THSD7B: variants seen among roughly 807,000 people sequenced by gnomAD.
The protein encoded by THSD7B is thrombospondin type-1 domain-containing protein 7B.
THSD7B carries 138 observed loss-of-function variants against 213.6 expected under a neutral mutation model. The ratio of observed to expected loss-of-function variants is 0.65; its 90% CI spans 0.56 to 0.74. The LOEUF (loss-of-function observed/expected upper bound fraction) is 0.74, where lower values mean the gene tolerates loss of function less well. THSD7B is among the 30% of genes least tolerant of loss of function. The pLI, the probability that THSD7B is intolerant of heterozygous loss-of-function variation, is 0.00. For missense variants in THSD7B, 1,931 were observed against 1,991.5 expected (o/e 0.97, Z 0.58); for synonymous variants, 742 against 687.0 (o/e 1.08, Z -1.25).
chr2:137,014,613 G>C (rs1003570614), intron 2 of THSD7B, among the ~76,000 whole-genome samples: 3 of 152,204 alleles, frequency 2.0e-5, no homozygotes, highest in Non-Finnish European at 4.4e-5. Flanking sequence ...ACATGTCTTA[G>C]TCAGGAGCCC....
chr2:137,022,691 CT>C (rs1191648620), intron 2 of THSD7B, among the ~76,000 whole-genome samples: 1 of 151,870 alleles, frequency 6.6e-6, no homozygotes. Flanking sequence ...GTAGATCACA[CT>C]TTCTGTTGGA....
At chr2:137,260,878 A>G (rs562524074) in intron 10 of THSD7B, among the ~76,000 whole-genome samples, 1 of 152,312 alleles carries the variant, frequency 6.6e-6, no homozygotes, top group Admixed American at 6.5e-5. Flanking sequence ...ATGTGTTTTA[A>G]ATGGCTATAT....
At chr2:137,124,020 G>A (rs1688589850) in intron 5 of THSD7B, among the ~76,000 whole-genome samples, 1 of 152,148 alleles carries the variant, frequency 6.6e-6, no homozygotes, top group Non-Finnish European at 1.5e-5. Flanking sequence ...TCAGTTTTAG[G>A]CATTACTTTT....
intron 6 of THSD7B, among the ~76,000 whole-genome samples, chr2:137,168,848 A>G (rs1680183746): frequency 6.6e-6 from 1 of 152,164 alleles, no homozygotes; most frequent in Non-Finnish European, 1.5e-5. Context: ...TGTGGCAGTG[A>G]GAGCTCGTAG....
intron 14 of THSD7B, among the ~76,000 whole-genome samples, chr2:137,437,892 C>A (rs552856150): frequency 6.6e-6 from 1 of 152,190 alleles, no homozygotes; most frequent in East Asian, 1.9e-4. Flanking sequence ...AGCACTCTAC[C>A]CTTTTCTGCA....
chr2:137,180,772 G>A (rs998744832), intron 7 of THSD7B, among the ~76,000 whole-genome samples: 1 of 152,190 alleles, frequency 6.6e-6, no homozygotes, highest in Non-Finnish European at 1.5e-5. Flanking sequence ...GTAAATGCAT[G>A]TCACATGTAC....
rs1686500340 is a variant in THSD7B at position 137,405,687 on chromosome 2, C to T, written c.2575C>T (p.Leu859Phe). ...ECLKQTNGMP[L>F]LVQECTVPCR... ...CCTCAAGCAGACAAACGGCATGCCTCTCCTTGTGCAAGAATGCACAGTCCC... is the reference window on the plus strand; with the variant it reads ...CCTCAAGCAGACAAACGGCATGCCTTTCCTTGTGCAAGAATGCACAGTCCC... Residue 859 changes from leucine to phenylalanine, a missense_variant, in exon 13 of 28, where the codon CTC becomes TTC. By Grantham distance (22) the Leu-to-Phe change is conservative. Transcript: ENST00000409968. 1.2e-6 allele frequency: 2 copies of T among 1,613,716 alleles called. No individual in the cohort carries two copies. Among genetic ancestry groups the T allele is most frequent in the Non-Finnish European group, 8.5e-7 (1 of 1,179,806 alleles).
At chr2:137,368,309 A>G (rs6733546) in intron 12 of THSD7B, among the ~76,000 whole-genome samples, 5,697 of 152,120 alleles carry the variant, frequency 0.037, 370 homozygotes, top group African/African-American at 0.13. Context: ...TCCTATCAAA[A>G]TGGTAATCTA....
At chr2:136,849,381 G>A (rs775676128) in intron 1 of THSD7B, among the ~76,000 whole-genome samples, 5 of 152,232 alleles carry the variant, frequency 3.3e-5, no homozygotes, top group African/African-American at 9.6e-5. Flanking sequence ...GTATTTGAAC[G>A]CTAGTCTTTT....
At chr2:136,976,975 G>T (rs1157194423) in intron 2 of THSD7B, among the ~76,000 whole-genome samples, 1 of 152,152 alleles carries the variant, frequency 6.6e-6, no homozygotes, top group Admixed American at 6.5e-5. Context: ...GATGATGCTG[G>T]TCTCATAAAA....
At chr2:137,331,392 T>C (rs1235460951) in intron 12 of THSD7B, among the ~76,000 whole-genome samples, 1 of 151,880 alleles carries the variant, frequency 6.6e-6, no homozygotes, top group African/African-American at 2.4e-5. Flanking sequence ...AGAGTGTTGA[T>C]TGGTGCACTC....
At chr2:136,915,239 T>A (rs78049739) in intron 2 of THSD7B, among the ~76,000 whole-genome samples, 2,512 of 152,294 alleles carry the variant, frequency 0.016, 34 homozygotes, top group Middle Eastern at 0.02. Flanking sequence ...TTAAGGGACT[T>A]ACAAAAAATC....
At chr2:137,630,954 C>G (rs965435970) in intron 20 of THSD7B, among the ~76,000 whole-genome samples, 1 of 152,156 alleles carries the variant, frequency 6.6e-6, no homozygotes, top group Non-Finnish European at 1.5e-5. Flanking sequence ...TTGGGCAAAA[C>G]CTGGTGTGCT....
At chr2:137,554,707 C>A (rs1263566987) in intron 15 of THSD7B, among the ~76,000 whole-genome samples, 1 of 152,118 alleles carries the variant, frequency 6.6e-6, no homozygotes, top group African/African-American at 2.4e-5. Context: ...GGGTGCAGTA[C>A]AGTGGATGCA....
intron 1 of THSD7B, among the ~76,000 whole-genome samples, chr2:136,776,417 T>C (rs1044889988): frequency 6.6e-6 from 1 of 151,108 alleles, no homozygotes; most frequent in South Asian, 2.1e-4. Context: ...GGCCTCCCAA[T>C]GCAGGCAGAA....
At chr2:136,910,604 C>G (rs1199315324) in intron 2 of THSD7B, among the ~76,000 whole-genome samples, 1 of 151,942 alleles carries the variant, frequency 6.6e-6, no homozygotes, top group Non-Finnish European at 1.5e-5. Context: ...TGTCTTTATC[C>G]AAAGGCTTTT....
chr2:137,383,089 C>T (rs894293175), intron 12 of THSD7B, among the ~76,000 whole-genome samples: 1 of 152,198 alleles, frequency 6.6e-6, no homozygotes, highest in Non-Finnish European at 1.5e-5. Context: ...TGTGGTTAAC[C>T]ACCTGGAAAA....
At chr2:137,621,980 G>A (rs147502764) in intron 20 of THSD7B, among the ~76,000 whole-genome samples, 1 of 152,244 alleles carries the variant, frequency 6.6e-6, no homozygotes, top group African/African-American at 2.4e-5. Context: ...GGAAGCAAGA[G>A]AGAAATAATG....
chr2:137,585,494 C>A (rs1360436677), intron 17 of THSD7B, among the ~76,000 whole-genome samples: 1 of 152,028 alleles, frequency 6.6e-6, no homozygotes, highest in Non-Finnish European at 1.5e-5. Flanking sequence ...ATATTTCCCT[C>A]TACACACTGC....
Sources: allele counts gnomAD v4.1 joint callset (sites outside exome capture counted in the v4.1 genomes callset), GRCh38; gene constraint gnomAD v4.1.1; transcripts MANE v1.5; gene names NCBI Gene and HGNC (gene_info 2026-07-23, HGNC 2026-07-21).